RNF111: variants seen among roughly 807,000 people sequenced by gnomAD.
The protein encoded by RNF111 is E3 ubiquitin-protein ligase Arkadia.
Under a neutral mutation model 95.1 loss-of-function variants are expected in RNF111, and 17 were observed. The ratio of observed to expected loss-of-function variants is 0.18; its 90% CI spans 0.12 to 0.27. The LOEUF (loss-of-function observed/expected upper bound fraction) is 0.27. RNF111 is among the 10% of genes least tolerant of loss of function. RNF111 has a pLI of 1.00. For synonymous variants in RNF111, 440 were observed against 414.8 expected (o/e 1.06, Z -0.74); for missense variants, 1,189 against 1,210.4 (o/e 0.98, Z 0.26).
At chr15:59,025,353 G>A (rs1445884555) in intron 1 of RNF111, among the ~76,000 whole-genome samples, 3 of 152,122 alleles carry the variant, frequency 2.0e-5, no homozygotes, top group Admixed American at 6.5e-5. Flanking sequence ...ATTTTAGTAC[G>A]AGCTAATGCA....
chr15:58,989,437 G>A (rs1228305579), intron 1 of RNF111, among the ~76,000 whole-genome samples: 13 of 152,172 alleles, frequency 8.5e-5, no homozygotes, highest in African/African-American at 3.1e-4. Flanking sequence ...CTAAGAATTG[G>A]TGAGGGTGTT....
intron 6 of RNF111, among the ~76,000 whole-genome samples, chr15:59,067,559 C>G (rs977377757): frequency 7.2e-5 from 11 of 152,118 alleles, no homozygotes; most frequent in African/African-American, 2.7e-4. Flanking sequence ...TCTGTAGTTT[C>G]TTTTTAATTA....
chr15:59,031,378 C>T lies in RNF111; in HGVS notation c.556C>T (p.Arg186Trp), dbSNP rs756661486. 11 of 1,614,002 alleles carry T rather than the reference C, an allele frequency of 6.8e-6. No homozygotes were observed. In the Admixed American group the frequency reaches 8.3e-5, roughly 12 times the overall value. ...SHSARSHKWP[R>W]TETESVSGLL... is the part of the protein sequence containing the mutation. ...TAGTGCACGGTCTCATAAGTGGCCTCGGACTGAGACAGAATCTGTATCGGG... is the reference window on the plus strand; with the variant it reads ...TAGTGCACGGTCTCATAAGTGGCCTTGGACTGAGACAGAATCTGTATCGGG... Residue 186 changes from arginine to tryptophan, a missense_variant, in exon 2 of 14, where the codon CGG (arginine) becomes TGG (tryptophan). Physicochemically the swap from Arg to Trp is moderately radical, Grantham distance 101 (BLOSUM62 -3). Coordinates refer to ENST00000348370, the MANE Select transcript of RNF111 (RefSeq NM_017610.8).
At chr15:59,043,472 AT>A (rs1213331501) in intron 2 of RNF111, among the ~76,000 whole-genome samples, 2 of 151,982 alleles carry the variant, frequency 1.3e-5, no homozygotes, top group African/African-American at 4.8e-5. Context: ...TGTTTAAGTG[AT>A]TTATTCCTTG....
chr15:59,027,836 C>CT (rs77391394), intron 1 of RNF111, among the ~76,000 whole-genome samples: 297 of 139,240 alleles, frequency 2.1e-3, no homozygotes, highest in Middle Eastern at 4.1e-3. Flanking sequence ...CCTGGCCCAC[C>CT]TTTTTTTTTT....
At chr15:59,075,833 C>G (rs1043751551) in intron 6 of RNF111, 121 bp from the exon 7 acceptor site, 1 of 1,069,942 alleles carries the variant, frequency 9.3e-7, no homozygotes, top group African/African-American at 1.6e-5. Flanking sequence ...TAAGAATCTT[C>G]CTGGTTTCAA....
In RNF111 at chr15:59,081,924, C is replaced by G. The variant is rs1389559891; in HGVS notation, c.2297+640C>G. Reference sequence around the variant, plus strand: ...CCTGTGGTCCCAGCTACTGGGTAGGCTGAGATGAAAGGATCGTCTGAGCCC... The same window carrying G: ...CCTGTGGTCCCAGCTACTGGGTAGGGTGAGATGAAAGGATCGTCTGAGCCC... On this transcript the variant is annotated intron_variant, in intron 8 of 13. Coordinates refer to ENST00000348370, the MANE Select transcript of RNF111 (RefSeq NM_017610.8). Among the ~76,000 whole-genome samples, 3 of 152,116 alleles carry G rather than the reference C, an allele frequency of 2.0e-5. No individual in the cohort carries two copies. The South Asian group carries it at 6.2e-4, about 32-fold the overall frequency.
chr15:59,024,793 C>T (rs1228862236), intron 1 of RNF111, among the ~76,000 whole-genome samples: 10 of 152,140 alleles, frequency 6.6e-5, no homozygotes, highest in East Asian at 1.9e-4. Flanking sequence ...TTATCTTCCC[C>T]GACTGAAACT....
At chr15:59,061,013 C>A (rs1476089527) in intron 5 of RNF111, among the ~76,000 whole-genome samples, 1 of 151,974 alleles carries the variant, frequency 6.6e-6, no homozygotes, top group Non-Finnish European at 1.5e-5. Flanking sequence ...CCCACACTGG[C>A]CTCAGTCTCC....
At chr15:59,021,260 C>T (rs1318346220) in intron 1 of RNF111, among the ~76,000 whole-genome samples, 1 of 152,148 alleles carries the variant, frequency 6.6e-6, no homozygotes, top group African/African-American at 2.4e-5. Flanking sequence ...AAGTGATTCT[C>T]CTGTCTCAGC....
chr15:59,076,631 A>G (rs1441960864), intron 7 of RNF111, among the ~76,000 whole-genome samples: 1 of 152,216 alleles, frequency 6.6e-6, no homozygotes, highest in Non-Finnish European at 1.5e-5. Context: ...AGGCCAAGGC[A>G]GGAGGATGGC....
intron 1 of RNF111, among the ~76,000 whole-genome samples, chr15:59,010,531 AGCTGGGATTACAGGT>A (rs1175987780): frequency 1.3e-5 from 2 of 151,990 alleles, no homozygotes; most frequent in Non-Finnish European, 2.9e-5. Flanking sequence ...CCTCCCAAGT[AGCTGGGATTACAGGT>A]GCCCACCACC....
At chr15:59,042,546 C>G (rs1038437654) in intron 2 of RNF111, among the ~76,000 whole-genome samples, 1 of 152,172 alleles carries the variant, frequency 6.6e-6, no homozygotes, top group Non-Finnish European at 1.5e-5. Flanking sequence ...CATTTCCCCC[C>G]AGTCCTTGTA....
chr15:58,993,520 A>C (rs2038913364), intron 1 of RNF111, among the ~76,000 whole-genome samples: 1 of 152,252 alleles, frequency 6.6e-6, no homozygotes, highest in African/African-American at 2.4e-5. Flanking sequence ...CCTGAGTAAC[A>C]GAGTGAGACT....
intron 13 of RNF111, chr15:59,093,630 G>T (rs2079118980): frequency 3.0e-5 from 6 of 203,292 alleles, no homozygotes; most frequent in South Asian, 6.3e-5. Context: ...TTAATTTTAG[G>T]CATTTTCTTT....
chr15:59,067,733 A>T (rs1254075552), intron 6 of RNF111, among the ~76,000 whole-genome samples: 1 of 152,198 alleles, frequency 6.6e-6, no homozygotes, highest in African/African-American at 2.4e-5. Context: ...CTTACTTTAA[A>T]CAAATTGTTG....
chr15:59,010,874 C>G (rs1363833220), intron 1 of RNF111, among the ~76,000 whole-genome samples: 1 of 152,074 alleles, frequency 6.6e-6, no homozygotes, highest in African/African-American at 2.4e-5. Flanking sequence ...GATTCCTTCT[C>G]CTGTTATTTA....
At chr15:58,997,573 C>G (rs2039133047) in intron 1 of RNF111, among the ~76,000 whole-genome samples, 1 of 151,054 alleles carries the variant, frequency 6.6e-6, no homozygotes. Flanking sequence ...AATCCCAGCA[C>G]TTTGGGAGGC....
Position 59,094,906 on chromosome 15 carries a change from T to A in RNF111, c.*6T>A, listed in dbSNP as rs1477905632. On this transcript the variant is annotated 3_prime_UTR_variant, in exon 14 of 14. Transcript: ENST00000348370. ...AGCTGCCAAGTGAAAGTTGACACCA[T>A]GTTTCAGAACTCTTGCCCTCCCTCT... 1.6e-5 allele frequency: 25 copies of A among 1,517,278 alleles called. No homozygotes were observed. Among genetic ancestry groups the A allele is most frequent in the African/African-American group, 2.7e-5 (2 of 72,946 alleles). The allele number at this position is 1,517,278 out of a possible 1,614,324, so 94.0% of individuals were successfully genotyped here. A position where few individuals can be genotyped will look rare whatever the true frequency, so the allele number is the denominator to read the frequency against.
Sources: allele counts gnomAD v4.1 joint callset (sites outside exome capture counted in the v4.1 genomes callset), GRCh38; gene constraint gnomAD v4.1.1; transcripts MANE v1.5; gene names NCBI Gene and HGNC (gene_info 2026-07-23, HGNC 2026-07-21).